EPHA3: variants seen among roughly 807,000 people sequenced by gnomAD.
EPHA3 encodes the protein EPH receptor A3.
In EPHA3, 42 loss-of-function variants were observed where a neutral mutation model predicts 107.1. The observed-to-expected ratio is 0.39, with a 90% CI of 0.31 to 0.51. The LOEUF is 0.51. Among genes scored for constraint, EPHA3 ranks in the 20% least tolerant of loss-of-function variants. The probability of loss-of-function intolerance (pLI) is 0.78; values close to 1 mark genes in which losing one functional copy is unlikely to be tolerated. For missense variants in EPHA3, 1,183 were observed against 1,211.2 expected (o/e 0.98, Z 0.35); for synonymous variants, 461 against 424.8 (o/e 1.09, Z -1.05).
chr3:89,458,250 C>A (rs954531317), intron 15 of EPHA3, among the ~76,000 whole-genome samples: 4 of 152,006 alleles, frequency 2.6e-5, no homozygotes, highest in African/African-American at 9.7e-5. Context: ...TAACTCACTA[C>A]GTTGACTGCC....
rs1415411112 is a variant in EPHA3 at position 89,131,345 on chromosome 3, G to A, written c.153+4072G>A. Reference sequence around the variant, plus strand: ...CGTTCTAATATTAATATTTGATTTGGAGAACAATCAACACATATCAAAGCC... The same window carrying A: ...CGTTCTAATATTAATATTTGATTTGAAGAACAATCAACACATATCAAAGCC... On this transcript the variant is annotated intron_variant, in intron 2 of 16. Coordinates refer to ENST00000336596, the MANE Select transcript of EPHA3 (RefSeq NM_005233.6). Among the ~76,000 whole-genome samples the A allele has an allele frequency of 1.3e-5, 2 of 152,042 alleles. 1 individual carries two copies. The highest frequency in any genetic ancestry group is 3.9e-4 in the East Asian group (2 of 5,190).
At position 89,399,390 on chromosome 3, in the gene EPHA3, G is replaced by T. The variant is rs75391524; in HGVS notation, c.1504G>T (p.Asp502Tyr). 1 of 1,613,950 alleles carries T rather than the reference G, an allele frequency of 6.2e-7. No homozygotes were observed. The highest frequency in any genetic ancestry group is 8.5e-7 in the Non-Finnish European group (1 of 1,180,008). ...TGTTACCATCAGTAGCCTCAAGCCT[G>T]ACACTATATACGTATTCCAAATCCG... ...TNVTISSLKP[D>Y]TIYVFQIRAR... The change falls in exon 7 of 17, where the codon GAC becomes TAC. Residue 502 changes from aspartate to tyrosine, a missense_variant. By Grantham distance (160) the Asp-to-Tyr change is radical (BLOSUM62 -3). Coordinates refer to ENST00000336596, the MANE Select transcript of EPHA3 (RefSeq NM_005233.6).
intron 3 of EPHA3, among the ~76,000 whole-genome samples, chr3:89,279,601 T>C (rs1490437906): frequency 6.6e-6 from 1 of 152,144 alleles, no homozygotes; most frequent in South Asian, 2.1e-4. Flanking sequence ...TGTAAAACTT[T>C]GGCTAATTGA....
intron 15 of EPHA3, 105 bp from the exon 16 acceptor site, chr3:89,472,359 C>T (rs73139110): frequency 1.7e-5 from 21 of 1,202,824 alleles, no homozygotes; most frequent in Non-Finnish European, 2.4e-5. Flanking sequence ...GAAAGGAACA[C>T]CATATGAAGT....
chr3:89,421,788 A>G lies in EPHA3; in HGVS notation c.2074+2398A>G, dbSNP rs528491294. On this transcript the variant is annotated intron_variant, in intron 11 of 16. Coordinates refer to ENST00000336596, the MANE Select transcript of EPHA3 (RefSeq NM_005233.6). Reference sequence around the variant, plus strand: ...TTCCTTTAGATATAAAACTGAAACAATTAAATATAGATTATGGTAGACTGA... The same window carrying G: ...TTCCTTTAGATATAAAACTGAAACAGTTAAATATAGATTATGGTAGACTGA... Among the ~76,000 whole-genome samples the G allele has an allele frequency of 5.3e-5, 8 of 151,542 alleles. 1 individual carries two copies. Among genetic ancestry groups the G allele is most frequent in the African/African-American group, 1.9e-4 (8 of 41,472 alleles).
intron 13 of EPHA3, among the ~76,000 whole-genome samples, chr3:89,436,340 T>A (rs1471212512): frequency 6.6e-6 from 1 of 152,192 alleles, no homozygotes; most frequent in African/African-American, 2.4e-5. Flanking sequence ...TCCTTTTGGA[T>A]AAGAGATCCT....
At chr3:89,399,651 T>G in intron 7 of EPHA3, 171 bp downstream of exon 7, 1 of 1,285,482 alleles carries the variant, frequency 7.8e-7, no homozygotes, top group East Asian at 2.8e-5. Flanking sequence ...TATTTGTGTT[T>G]GTGTGGGTGT....
intron 2 of EPHA3, among the ~76,000 whole-genome samples, chr3:89,154,887 A>C (rs934975678): frequency 1.4e-5 from 2 of 147,900 alleles, no homozygotes; most frequent in Non-Finnish European, 3.0e-5. Flanking sequence ...TATATAAAAT[A>C]TATATTATAT....
intron 2 of EPHA3, among the ~76,000 whole-genome samples, chr3:89,129,243 G>T (rs1704150816): frequency 6.6e-6 from 1 of 151,852 alleles, no homozygotes; most frequent in Non-Finnish European, 1.5e-5. Flanking sequence ...TTCTTCTTTG[G>T]TTTACTGTTG....
intron 3 of EPHA3, among the ~76,000 whole-genome samples, chr3:89,250,925 A>C (rs1415812762): frequency 6.6e-6 from 1 of 152,182 alleles, no homozygotes; most frequent in Non-Finnish European, 1.5e-5. Context: ...AGCATTAGTC[A>C]TGTGTGTCCA....
At chr3:89,248,087 T>G (rs957552484) in intron 3 of EPHA3, among the ~76,000 whole-genome samples, 4 of 152,328 alleles carry the variant, frequency 2.6e-5, no homozygotes, top group Non-Finnish European at 5.9e-5. Context: ...CACCTTACTA[T>G]TTATCTCATT....
chr3:89,332,276 G>T (rs1420992590), intron 3 of EPHA3, among the ~76,000 whole-genome samples: 1 of 152,168 alleles, frequency 6.6e-6, no homozygotes, highest in East Asian at 1.9e-4. Context: ...CATTCTCTTT[G>T]TGGCGAATGT....
chr3:89,451,571 G>A (rs1465927013), intron 15 of EPHA3, among the ~76,000 whole-genome samples: 1 of 152,086 alleles, frequency 6.6e-6, no homozygotes, highest in African/African-American at 2.4e-5. Context: ...ATAGAGAGAA[G>A]CATTTCAGAC....
In EPHA3 at chr3:89,224,948, G is replaced by A. The variant is rs567745843; in HGVS notation, c.814+14428G>A. On this transcript the variant is annotated intron_variant, in intron 3 of 16. Coordinates refer to ENST00000336596, the MANE Select transcript of EPHA3 (RefSeq NM_005233.6). Reference sequence around the variant, plus strand: ...ATGCTGAAAAATATAGACGGGAAAGGTTAAAGAGTGGCTGTGATTAGTGAG... The same window carrying A: ...ATGCTGAAAAATATAGACGGGAAAGATTAAAGAGTGGCTGTGATTAGTGAG... 2.0e-5 allele frequency among the ~76,000 whole-genome samples: 3 copies of A among 152,042 alleles called. No individual in the cohort carries two copies. The South Asian group carries it at 6.2e-4, about 32-fold the overall frequency.
At chr3:89,387,242 C>T (rs1420024671) in intron 5 of EPHA3, among the ~76,000 whole-genome samples, 1 of 152,116 alleles carries the variant, frequency 6.6e-6, no homozygotes, top group Non-Finnish European at 1.5e-5. Flanking sequence ...CCATAATCCC[C>T]ATGTGTCCTA....
rs115409777 is a variant in EPHA3 at position 89,401,526 on chromosome 3, G to A, written c.1594+2046G>A. Among the ~76,000 whole-genome samples, 1,243 of 152,304 alleles carry A rather than the reference G, an allele frequency of 8.2e-3. 18 individuals carry two copies. Among genetic ancestry groups the A allele is most frequent in the African/African-American group, 0.028 (1,171 of 41,578 alleles). ...AAAATATAAGTGTAACTTAACATTA[G>A]TACTTCTAAGACTTTTTGCAAATGT... On this transcript the variant is annotated intron_variant, in intron 7 of 16. Transcript: ENST00000336596.
chr3:89,399,738 T>TATTTG (rs1553690272), intron 7 of EPHA3: 6 of 1,186,722 alleles, frequency 5.1e-6, no homozygotes, highest in Middle Eastern at 3.3e-4. Context: ...TTTTTTTTTT[T>TATTTG]AGCCATAAAT....
chr3:89,257,000 TG>T (rs1559621321), intron 3 of EPHA3, among the ~76,000 whole-genome samples: 1 of 152,256 alleles, frequency 6.6e-6, no homozygotes, highest in East Asian at 1.9e-4. Flanking sequence ...AACAGTTCAC[TG>T]TACTAAGTAT....
At chr3:89,117,650 C>T (rs561902399) in intron 1 of EPHA3, among the ~76,000 whole-genome samples, 1 of 152,078 alleles carries the variant, frequency 6.6e-6, no homozygotes, top group South Asian at 2.1e-4. Flanking sequence ...CTGAGCTATT[C>T]CCAAACTGTA....
Sources: allele counts gnomAD v4.1 joint callset (sites outside exome capture counted in the v4.1 genomes callset), GRCh38; gene constraint gnomAD v4.1.1; transcripts MANE v1.5; gene names NCBI Gene and HGNC (gene_info 2026-07-23, HGNC 2026-07-21).